MACROD2: variants seen among roughly 807,000 people sequenced by gnomAD.
MACROD2 encodes ADP-ribose glycohydrolase MACROD2.
In MACROD2, 36 loss-of-function variants were observed where a neutral mutation model predicts 70.4. The ratio of observed to expected loss-of-function variants is 0.51; its 90% CI spans 0.39 to 0.68. The LOEUF (loss-of-function observed/expected upper bound fraction) is 0.68, where lower values mean the gene tolerates loss of function less well. MACROD2 is among the 30% of genes least tolerant of loss of function. The pLI is 0.00. For synonymous variants in MACROD2, 172 were observed against 178.8 expected, an observed-to-expected ratio of 0.96 and a Z score of 0.30; for missense variants, 496 against 538.4, an observed-to-expected ratio of 0.92 and a Z score of 0.78.
intron 6 of MACROD2, among the ~76,000 whole-genome samples, chr20:15,298,391 A>G (rs2077611035): frequency 6.6e-6 from 1 of 152,190 alleles, no homozygotes; most frequent in South Asian, 2.1e-4. Flanking sequence ...GAGCTCTGTG[A>G]CAGGTACCAG....
At chr20:15,698,820 C>T (rs191639544) in intron 8 of MACROD2, among the ~76,000 whole-genome samples, 2 of 152,146 alleles carry the variant, frequency 1.3e-5, no homozygotes, top group African/African-American at 4.8e-5. Context: ...AATTCAAAGA[C>T]CTTGTCTTTG....
At chr20:14,846,260 C>G (rs1003348941) in intron 5 of MACROD2, among the ~76,000 whole-genome samples, 3 of 152,134 alleles carry the variant, frequency 2.0e-5, no homozygotes, top group Non-Finnish European at 2.9e-5. Flanking sequence ...GCACTGCACA[C>G]TGTCACCTGG....
At chr20:14,073,900 A>C (rs1254868103) in intron 2 of MACROD2, among the ~76,000 whole-genome samples, 3 of 152,204 alleles carry the variant, frequency 2.0e-5, no homozygotes, top group Non-Finnish European at 4.4e-5. Context: ...AACTTTAGTT[A>C]GGTCCCTCTG....
At chr20:14,285,099 A>C (rs2082333618) in intron 3 of MACROD2, among the ~76,000 whole-genome samples, 1 of 152,146 alleles carries the variant, frequency 6.6e-6, no homozygotes, top group South Asian at 2.1e-4. Context: ...TTTCCCCCTC[A>C]GAAAGGAAAG....
rs750786249 is a variant in MACROD2 at position 15,321,671 on chromosome 20, C to T, written c.540+91610C>T. Reference sequence around the variant, plus strand: ...TAGTTATAGATTGGAAAGTGTTTGTCATATACATTAATTTTTGCAAAGATA... The same window carrying T: ...TAGTTATAGATTGGAAAGTGTTTGTTATATACATTAATTTTTGCAAAGATA... On this transcript the variant is annotated intron_variant, in intron 6 of 17. Transcript: ENST00000684519. 2.9e-4 allele frequency among the ~76,000 whole-genome samples: 42 copies of T among 144,686 alleles called. 9 individuals are homozygous for T. The highest frequency in any genetic ancestry group is 9.0e-4 in the Admixed American group (13 of 14,466). 94.9% of individuals were successfully genotyped at this position (144,686 alleles called of 152,430 possible). A position where few individuals can be genotyped will look rare whatever the true frequency, so the allele number is the denominator to read the frequency against.
chr20:14,517,858 C>A (rs2085120108), intron 4 of MACROD2, among the ~76,000 whole-genome samples: 1 of 150,628 alleles, frequency 6.6e-6, no homozygotes, highest in African/African-American at 2.4e-5. Context: ...TTTCTGGGCT[C>A]TTTTTTTTTA....
chr20:14,244,559 G>A lies in MACROD2; in HGVS notation c.271+158831G>A, dbSNP rs544334728. 3.3e-5 allele frequency among the ~76,000 whole-genome samples: 5 copies of A among 152,272 alleles called. No individual in the cohort carries two copies. In the South Asian group the frequency reaches 1.0e-3, roughly 32 times the overall value. Reference sequence around the variant, plus strand: ...CATGAAGATCCATAGCAGCCCATGGGTGGATCTATACAGAACAAAGGCCCT... The same window carrying A: ...CATGAAGATCCATAGCAGCCCATGGATGGATCTATACAGAACAAAGGCCCT... On this transcript the variant is annotated intron_variant, in intron 3 of 17. Coordinates refer to ENST00000684519, the MANE Select transcript of MACROD2 (RefSeq NM_001351661.2).
intron 5 of MACROD2, among the ~76,000 whole-genome samples, chr20:15,124,132 G>C (rs1383211259): frequency 6.6e-6 from 1 of 151,446 alleles, no homozygotes; most frequent in Non-Finnish European, 1.5e-5. Flanking sequence ...TTCTCTCTTT[G>C]ATTTTTTTTG....
chr20:15,376,960 G>A lies in MACROD2; in HGVS notation c.541-54445G>A, dbSNP rs2045571084. On this transcript the variant is annotated intron_variant, in intron 6 of 17. Coordinates refer to ENST00000684519, the MANE Select transcript of MACROD2 (RefSeq NM_001351661.2). ...GGCTGGAGTGCAGTGGCGCAATCTT[G>A]GCTCACTGCAAGCTCCGCCTCCTGG... Among the ~76,000 whole-genome samples the A allele has an allele frequency of 3.3e-5, 5 of 152,114 alleles. No homozygotes were observed. In the South Asian group the frequency reaches 1.0e-3, roughly 32 times the overall value.
chr20:14,106,982 C>T (rs953872371), intron 3 of MACROD2, among the ~76,000 whole-genome samples: 2 of 152,098 alleles, frequency 1.3e-5, no homozygotes, highest in Non-Finnish European at 2.9e-5. Flanking sequence ...CTTTAGTGCC[C>T]AGACACCAGT....
chr20:14,280,534 G>C (rs2082298490), intron 3 of MACROD2, among the ~76,000 whole-genome samples: 1 of 152,096 alleles, frequency 6.6e-6, no homozygotes, highest in African/African-American at 2.4e-5. Context: ...TATCTGACTA[G>C]GACCAAGGAT....
chr20:14,125,566 A>G (rs1157759136), intron 3 of MACROD2, among the ~76,000 whole-genome samples: 2 of 152,160 alleles, frequency 1.3e-5, no homozygotes, highest in African/African-American at 4.8e-5. Flanking sequence ...ATATTTTTGT[A>G]TGTGTATTTC....
At chr20:14,456,058 C>T (rs1384600867) in intron 3 of MACROD2, among the ~76,000 whole-genome samples, 1 of 151,660 alleles carries the variant, frequency 6.6e-6, no homozygotes, top group Non-Finnish European at 1.5e-5. Flanking sequence ...TTCTCTTGTT[C>T]CCCTAAGGCC....
At chr20:15,680,549 G>A (rs201222) in intron 8 of MACROD2, among the ~76,000 whole-genome samples, 30,396 of 152,124 alleles carry the variant, frequency 0.2, 3,491 homozygotes, top group African/African-American at 0.32. Context: ...ACACTGTTGT[G>A]TAACCTTGAT....
At chr20:14,604,976 A>G (rs1982713103) in intron 4 of MACROD2, among the ~76,000 whole-genome samples, 1 of 152,208 alleles carries the variant, frequency 6.6e-6, no homozygotes, top group South Asian at 2.1e-4. Context: ...GAACATGCCT[A>G]CATCACACTT....
intron 8 of MACROD2, among the ~76,000 whole-genome samples, chr20:15,644,011 C>T (rs772914267): frequency 2.0e-5 from 3 of 152,132 alleles, no homozygotes; most frequent in Non-Finnish European, 4.4e-5. Context: ...ATAGTCCTCG[C>T]AATGTGTCTC....
chr20:15,657,907 C>T (rs561428616), intron 8 of MACROD2, among the ~76,000 whole-genome samples: 1 of 152,250 alleles, frequency 6.6e-6, no homozygotes, highest in Non-Finnish European at 1.5e-5. Flanking sequence ...GCAGGAGAAT[C>T]GCTTGAACCC....
intron 4 of MACROD2, among the ~76,000 whole-genome samples, chr20:14,637,303 C>A (rs543141476): frequency 6.6e-6 from 1 of 152,220 alleles, no homozygotes; most frequent in South Asian, 2.1e-4. Flanking sequence ...ACTCTAATGA[C>A]GGATATTAGT....
At chr20:15,420,104 C>G (rs1041209025) in intron 6 of MACROD2, among the ~76,000 whole-genome samples, 19 of 152,174 alleles carry the variant, frequency 1.2e-4, no homozygotes, top group African/African-American at 4.3e-4. Flanking sequence ...GTAAAACATT[C>G]CTACAAGTCA....
Sources: allele counts gnomAD v4.1 joint callset (sites outside exome capture counted in the v4.1 genomes callset), GRCh38; gene constraint gnomAD v4.1.1; transcripts MANE v1.5; gene names NCBI Gene and HGNC (gene_info 2026-07-23, HGNC 2026-07-21).